DISP3: variants seen among roughly 807,000 people sequenced by gnomAD.
DISP3 encodes protein dispatched homolog 3.
DISP3 carries 101 observed loss-of-function variants against 135.3 expected under a neutral mutation model. That is an observed-to-expected ratio of 0.75 (90% CI 0.64 to 0.88). The LOEUF is 0.88. Ranked by LOEUF, DISP3 falls within the 40% of genes least tolerant of loss-of-function variation. The pLI is 0.00. For synonymous variants in DISP3, 856 were observed against 817.0 expected, an observed-to-expected ratio of 1.05 and a Z score of -0.81; for missense variants, 1,713 against 1,878.6, an observed-to-expected ratio of 0.91 and a Z score of 1.63.
chr1:11,531,782 C>G lies in DISP3; in HGVS notation c.3375+72C>G. 2.0e-6 allele frequency: 3 copies of G among 1,515,284 alleles called. No homozygotes were observed. Among genetic ancestry groups the G allele is most frequent in the Non-Finnish European group, 1.8e-6 (2 of 1,134,264 alleles). The allele number at this position is 1,515,284 out of a possible 1,614,324, so 93.9% of individuals were successfully genotyped here. A position where few individuals can be genotyped will look rare whatever the true frequency, so the allele number is the denominator to read the frequency against. On this transcript the variant is annotated intron_variant, in intron 17 of 20. Coordinates refer to ENST00000294484, the MANE Select transcript of DISP3 (RefSeq NM_020780.2). The surrounding 1 kb of genome is among the most constrained non-coding windows in gnomAD (Gnocchi z 5.2). ...GGGTGTGCCACCTCTGATCCCAGCC[C>G]TCTTCCCAGATCGGGGGGGAGATGC...
intron 3 of DISP3, 35 bp from the exon 4 acceptor site, chr1:11,514,355 T>G: frequency 6.3e-7 from 1 of 1,581,504 alleles, no homozygotes; most frequent in Non-Finnish European, 8.7e-7. Context: ...ATCCTCTTCC[T>G]GTCATTCTTT....
intron 12 of DISP3, among the ~76,000 whole-genome samples, chr1:11,526,383 AGCCTGGCACAGT>A (rs544012659): frequency 4.6e-5 from 7 of 152,208 alleles, no homozygotes; most frequent in Non-Finnish European, 1.0e-4. Flanking sequence ...TGCCCCTCAG[AGCCTGGCACAGT>A]GCCTGGCATG....
chr1:11,501,915 A>G lies in DISP3; in HGVS notation c.923A>G (p.His308Arg), dbSNP rs745701781. The change falls in exon 2 of 21, where the codon CAC becomes CGC. Residue 308 changes from histidine to arginine, a missense_variant. Transcript: ENST00000294484. The surrounding 1 kb of genome is among the most constrained non-coding windows in gnomAD (Gnocchi z 4.9). ...IHEIERKIMDHPGFREFCWKP... is the reference protein window; with the variant it reads ...IHEIERKIMDRPGFREFCWKP... ...GAGATCGAGCGCAAGATCATGGACC[A>G]CCCAGGCTTCCGGGAGTTCTGCTGG... The G allele has an allele frequency of 1.9e-6, 3 of 1,613,582 alleles. No individual in the cohort carries two copies. The highest frequency in any genetic ancestry group is 2.5e-6 in the Non-Finnish European group (3 of 1,179,884).
At chr1:11,490,261 GTT>G in intron 1 of DISP3, among the ~76,000 whole-genome samples, 1 of 151,610 alleles carries the variant, frequency 6.6e-6, no homozygotes, top group Admixed American at 6.6e-5. Context: ...GGGGTTTTTT[GTT>G]TTTGTTTTTG....
intron 6 of DISP3, among the ~76,000 whole-genome samples, chr1:11,517,101 A>C: frequency 6.6e-6 from 1 of 151,908 alleles, no homozygotes; most frequent in Non-Finnish European, 1.5e-5. Flanking sequence ...CCTCCCCCTC[A>C]CTAGCACATG....
rs201745217 is a variant in DISP3 at position 11,519,345 on chromosome 1, C to T, written c.1890-10C>T. On this transcript the variant is annotated splice_polypyrimidine_tract_variant and intron_variant, in intron 7 of 20. Coordinates refer to ENST00000294484, the MANE Select transcript of DISP3 (RefSeq NM_020780.2). The surrounding 1 kb of genome is among the most constrained non-coding windows in gnomAD (Gnocchi z 4.3). Reference sequence around the variant, plus strand: ...CTCTGGTTCACCCCTGTCCCCTACTCTCTCCACAGCTGCCACCAGAATTGC... The same window carrying T: ...CTCTGGTTCACCCCTGTCCCCTACTTTCTCCACAGCTGCCACCAGAATTGC... 1 of 1,613,344 alleles carries T rather than the reference C, an allele frequency of 6.2e-7. No individual in the cohort carries two copies.
chr1:11,513,331 A>T (rs1206319658), intron 3 of DISP3, among the ~76,000 whole-genome samples: 1 of 152,184 alleles, frequency 6.6e-6, no homozygotes, highest in South Asian at 2.1e-4. Flanking sequence ...AGTATACTGG[A>T]TATGAATTAT....
chr1:11,503,029 A>G, intron 3 of DISP3, 132 bp downstream of exon 3: 1 of 783,442 alleles, frequency 1.3e-6, no homozygotes. Context: ...TTGGGGCAGA[A>G]CCAAGTACAT....
chr1:11,504,962 A>G (rs138635376), intron 3 of DISP3, among the ~76,000 whole-genome samples: 1 of 152,358 alleles, frequency 6.6e-6, no homozygotes, highest in Non-Finnish European at 1.5e-5. Context: ...GGAGTCAGAT[A>G]TATCTTGGGT....
chr1:11,515,316 T>C, intron 4 of DISP3, 53 bp from the exon 5 acceptor site: 1 of 1,603,714 alleles, frequency 6.2e-7, no homozygotes, highest in Non-Finnish European at 8.5e-7. Flanking sequence ...TAGTGGGGTT[T>C]GTGTCCCATG....
At chr1:11,502,172 G>T in intron 2 of DISP3, 84 bp downstream of exon 2, 1 of 1,473,718 alleles carries the variant, frequency 6.8e-7, no homozygotes, top group Non-Finnish European at 8.9e-7. Context: ...CCAGGCCCAG[G>T]CCCAGGCCCA....
chr1:11,534,247 T>G (rs1025637958), intron 17 of DISP3, 134 bp from the exon 18 acceptor site: 2 of 1,089,486 alleles, frequency 1.8e-6, no homozygotes, highest in African/African-American at 3.1e-5. Context: ...TCATTTTGGA[T>G]TGAATCGTTG....
intron 1 of DISP3, among the ~76,000 whole-genome samples, chr1:11,493,164 G>T (rs1371952047): frequency 6.6e-6 from 1 of 152,202 alleles, no homozygotes; most frequent in African/African-American, 2.4e-5. Flanking sequence ...AGAGCTGATG[G>T]TATAGTTGCA....
chr1:11,522,617 G>A (rs866329342), intron 10 of DISP3, among the ~76,000 whole-genome samples: 91 of 112,950 alleles, frequency 8.1e-4, no homozygotes, highest in African/African-American at 2.0e-3. Flanking sequence ...GCCCAGCCAG[G>A]ACCCAGCCAG....
intron 13 of DISP3, among the ~76,000 whole-genome samples, chr1:11,528,291 G>A (rs934428249): frequency 6.6e-6 from 1 of 152,104 alleles, no homozygotes; most frequent in Non-Finnish European, 1.5e-5. Flanking sequence ...CCGAGTCAGA[G>A]GCTGCATTCT....
rs1045422800 is a variant in DISP3 at position 11,497,712 on chromosome 1, C to T, written c.-3-3278C>T. 7.2e-5 allele frequency among the ~76,000 whole-genome samples: 11 copies of T among 152,082 alleles called. No individual in the cohort carries two copies. In the South Asian group the frequency reaches 2.1e-3, roughly 29 times the overall value. On this transcript the variant is annotated intron_variant, in intron 1 of 20. Transcript: ENST00000294484. ...CCATTGTATCATTCTTATGCTTTTG[C>T]GTCCTCATAGCTTAGCTCCCACGTA...
rs1642509746 is a variant in DISP3, at chr1:11,529,266, TCTC to T, written c.2799-288_2799-286del. ...GGGACAGTTTGAAAGCTGCTGGTCT[TCTC>T]CACCCTTCATGACTCCTATGGGGAG... On this transcript the variant is annotated intron_variant, in intron 13 of 20. Coordinates refer to ENST00000294484, the MANE Select transcript of DISP3 (RefSeq NM_020780.2). This position sits in a 1 kb window ranked among gnomAD's most constrained non-coding sequence, Gnocchi z 4.7. Among the ~76,000 whole-genome samples, 1 of 152,020 alleles carries T rather than the reference TCTC, an allele frequency of 6.6e-6. No homozygotes were observed. The highest frequency in any genetic ancestry group is 1.5e-5 in the Non-Finnish European group (1 of 67,974).
At chr1:11,518,836 C>T (rs575056585) in intron 7 of DISP3, among the ~76,000 whole-genome samples, 5 of 152,174 alleles carry the variant, frequency 3.3e-5, no homozygotes, top group South Asian at 2.1e-4. Flanking sequence ...ACTGCTGGCA[C>T]GTGGCAGTGG....
chr1:11,498,765 G>A (rs887761800), intron 1 of DISP3, among the ~76,000 whole-genome samples: 4 of 152,160 alleles, frequency 2.6e-5, no homozygotes, highest in African/African-American at 4.8e-5. Flanking sequence ...ACCAGGCACC[G>A]TACTCAGTCT....
Sources: allele counts gnomAD v4.1 joint callset (sites outside exome capture counted in the v4.1 genomes callset), GRCh38; gene constraint gnomAD v4.1.1; non-coding constraint Gnocchi (gnomAD v3.1); transcripts MANE v1.5; gene names NCBI Gene and HGNC (gene_info 2026-07-23, HGNC 2026-07-21).